The following SHROOM3 variants were observed in gnomAD, a reference collection of about 807,000 sequenced individuals.
SHROOM3 encodes the protein shroom family member 3, also known as protein Shroom3.
In SHROOM3, 47 loss-of-function variants were observed where a neutral mutation model predicts 138.6. That is an observed-to-expected ratio of 0.34 (90% CI 0.27 to 0.43). SHROOM3 has a LOEUF of 0.43. Ranked by LOEUF, SHROOM3 falls within the 20% of genes least tolerant of loss-of-function variation. The pLI is 1.00. For synonymous variants in SHROOM3, 1,062 were observed against 1,063.3 expected, an observed-to-expected ratio of 1.00 and a Z score of 0.02; for missense variants, 2,491 against 2,596.5, an observed-to-expected ratio of 0.96 and a Z score of 0.88.
intron 1 of SHROOM3, among the ~76,000 whole-genome samples, chr4:76,554,697 G>A (rs1028435714): frequency 2.6e-5 from 4 of 152,130 alleles, no homozygotes; most frequent in Non-Finnish European, 5.9e-5. Context: ...TGGGATTACA[G>A]GCATGAGCCA....
Position 76,467,604 on chromosome 4 carries a change from C to G in SHROOM3, c.168+31384C>G, listed in dbSNP as rs533413731. Among the ~76,000 whole-genome samples, 83 of 152,288 alleles carry G rather than the reference C, an allele frequency of 5.5e-4. 2 individuals are homozygous for G. Among genetic ancestry groups the G allele is most frequent in the Non-Finnish European group, 1.1e-3 (72 of 68,032 alleles). ...AAGACCCAGGCTAGTGGTAATCACTCCCTATGTATTTTGCCAGTCCTAACC... is the reference window on the plus strand; with the variant it reads ...AAGACCCAGGCTAGTGGTAATCACTGCCTATGTATTTTGCCAGTCCTAACC... On this transcript the variant is annotated intron_variant, in intron 1 of 10. Transcript: ENST00000296043.
At chr4:76,519,692 A>G (rs1459966062) in intron 1 of SHROOM3, among the ~76,000 whole-genome samples, 1 of 152,206 alleles carries the variant, frequency 6.6e-6, no homozygotes, top group African/African-American at 2.4e-5. Flanking sequence ...GACAGTCTTG[A>G]CTATATGTGA....
Position 76,441,086 on chromosome 4 carries a change from G to GTTTTTTTTT in SHROOM3, c.168+4879_168+4887dup, listed in dbSNP as rs374530154. On this transcript the variant is annotated intron_variant, in intron 1 of 10. Transcript: ENST00000296043. ...TCAGCCACAGTCCTGAGTTCAATTT[G>GTTTTTTTTT]TTTTTTTTTTTTTTTTTTTTTGAGA... 3.6e-3 allele frequency among the ~76,000 whole-genome samples: 298 copies of GTTTTTTTTT among 82,190 alleles called. 34 individuals carry two copies. The highest frequency in any genetic ancestry group is 0.014 in the East Asian group (31 of 2,192). 53.9% of individuals were successfully genotyped at this position (82,190 alleles called of 152,430 possible).
At chr4:76,755,643 A>G (rs1721781741) in intron 7 of SHROOM3, among the ~76,000 whole-genome samples, 1 of 152,234 alleles carries the variant, frequency 6.6e-6, no homozygotes, top group African/African-American at 2.4e-5. Context: ...CTACCTCATC[A>G]AAGGTCATGT....
At chr4:76,735,860 AAAAAAAAAATATATATATATATATATAT>A (rs1386748494) in intron 4 of SHROOM3, among the ~76,000 whole-genome samples, 1 of 18,806 alleles carries the variant, frequency 5.3e-5, no homozygotes, top group African/African-American at 1.5e-4. Context: ...AAAAAAAAAA[AAAAAAAAAATATATATATATATATATAT>A]ATATATATAT....
At chr4:76,535,193 A>G (rs142466641) in intron 1 of SHROOM3, among the ~76,000 whole-genome samples, 65 of 152,184 alleles carry the variant, frequency 4.3e-4, no homozygotes, top group Admixed American at 1.2e-3. Flanking sequence ...CATTAACTAC[A>G]TGTTTTGTAT....
intron 2 of SHROOM3, among the ~76,000 whole-genome samples, chr4:76,662,422 A>G (rs1369892876): frequency 6.6e-6 from 1 of 152,164 alleles, no homozygotes; most frequent in Non-Finnish European, 1.5e-5. Flanking sequence ...TCGTGCTTTG[A>G]ATCTCTCTGC....
intron 9 of SHROOM3, among the ~76,000 whole-genome samples, chr4:76,766,338 C>T (rs148010083): frequency 2.7e-3 from 410 of 152,304 alleles, no homozygotes; most frequent in Non-Finnish European, 4.4e-3. Flanking sequence ...TGCCTGATGC[C>T]GAATGTTATG....
intron 2 of SHROOM3, among the ~76,000 whole-genome samples, chr4:76,591,368 T>A (rs1342554917): frequency 6.6e-6 from 1 of 152,226 alleles, no homozygotes; most frequent in African/African-American, 2.4e-5. Context: ...TTATACACTG[T>A]CATTCTTGCT....
chr4:76,658,358 T>C (rs1337974422), intron 2 of SHROOM3, among the ~76,000 whole-genome samples: 2 of 152,202 alleles, frequency 1.3e-5, no homozygotes, highest in African/African-American at 4.8e-5. Flanking sequence ...TGTGGCTGGA[T>C]GTGAGAGATT....
intron 1 of SHROOM3, among the ~76,000 whole-genome samples, chr4:76,504,634 T>C (rs1256698678): frequency 6.6e-6 from 1 of 152,254 alleles, no homozygotes; most frequent in Non-Finnish European, 1.5e-5. Context: ...AGATTAATAA[T>C]ATAGTATGTG....
chr4:76,490,365 A>T (rs184362532), intron 1 of SHROOM3, among the ~76,000 whole-genome samples: 1 of 152,150 alleles, frequency 6.6e-6, no homozygotes, highest in East Asian at 1.9e-4. Context: ...CCCATCTGAC[A>T]TGCAGAAAAG....
chr4:76,703,297 T>A (rs1719954819), intron 2 of SHROOM3, among the ~76,000 whole-genome samples: 1 of 151,476 alleles, frequency 6.6e-6, no homozygotes, highest in Non-Finnish European at 1.5e-5. Context: ...GCTTCCTAGA[T>A]GGTAAATAAT....
intron 1 of SHROOM3, among the ~76,000 whole-genome samples, chr4:76,469,517 C>T (rs557258364): frequency 2.0e-5 from 3 of 151,764 alleles, no homozygotes; most frequent in African/African-American, 7.3e-5. Context: ...AGTACAGTGG[C>T]GCAATCTCAG....
chr4:76,661,774 TCTC>T (rs1215064358), intron 2 of SHROOM3, among the ~76,000 whole-genome samples: 8 of 152,340 alleles, frequency 5.3e-5, no homozygotes, highest in Middle Eastern at 3.4e-3. Flanking sequence ...GTTTATCCAT[TCTC>T]CTACTGATGG....
intron 2 of SHROOM3, among the ~76,000 whole-genome samples, chr4:76,674,718 C>G (rs1718981958): frequency 6.6e-6 from 1 of 151,946 alleles, no homozygotes; most frequent in African/African-American, 2.4e-5. Context: ...CCATGCCCAG[C>G]TAATTTTTGC....
intron 2 of SHROOM3, among the ~76,000 whole-genome samples, chr4:76,606,206 G>T (rs1377388636): frequency 2.0e-5 from 3 of 149,220 alleles, no homozygotes; most frequent in Non-Finnish European, 4.5e-5. Context: ...TAGAGACAGG[G>T]TTTCACCAAG....
intron 1 of SHROOM3, among the ~76,000 whole-genome samples, chr4:76,529,445 T>A (rs1007945363): frequency 6.6e-6 from 1 of 152,076 alleles, no homozygotes; most frequent in Non-Finnish European, 1.5e-5. Context: ...GCCTCCCGAA[T>A]AGCTGGGACT....
intron 1 of SHROOM3, among the ~76,000 whole-genome samples, chr4:76,505,597 A>C (rs542126761): frequency 8.9e-4 from 136 of 152,084 alleles, no homozygotes; most frequent in African/African-American, 3.2e-3. Flanking sequence ...AAATAATACA[A>C]ATTTTAAAAT....
Sources: allele counts gnomAD v4.1 joint callset (sites outside exome capture counted in the v4.1 genomes callset), GRCh38; gene constraint gnomAD v4.1.1; transcripts MANE v1.5; gene names NCBI Gene and HGNC (gene_info 2026-07-23, HGNC 2026-07-21).